ENTREP2: variants seen among roughly 807,000 people sequenced by gnomAD.
ENTREP2 encodes the protein protein ENTREP2.
At chr15:29,170,254 G>C in the ENTREP2 span, among the ~76,000 whole-genome samples, 1 of 143,872 alleles carries the variant, frequency 7.0e-6, no homozygotes, top group Admixed American at 7.2e-5. Flanking sequence ...CTTGCAGTGA[G>C]CTGAGATCGT....
the ENTREP2 span, among the ~76,000 whole-genome samples, chr15:29,521,547 T>C: frequency 1.3e-5 from 2 of 152,172 alleles, no homozygotes; most frequent in Non-Finnish European, 2.9e-5. Context: ...TAGAGACATA[T>C]CTGTCTTGCA....
At chr15:29,618,162 G>A in the ENTREP2 span, among the ~76,000 whole-genome samples, 7 of 152,120 alleles carry the variant, frequency 4.6e-5, no homozygotes, top group South Asian at 2.1e-4. Flanking sequence ...GGTAGCTCAC[G>A]CCTGTAATTC....
chr15:29,550,166 A>G, the ENTREP2 span, among the ~76,000 whole-genome samples: 1,688 of 152,324 alleles, frequency 0.011, 34 homozygotes, highest in African/African-American at 0.038. Context: ...AGTGACTTCC[A>G]TCTAAAAGGC....
chr15:29,626,342 A>G, the ENTREP2 span, among the ~76,000 whole-genome samples: 1 of 152,298 alleles, frequency 6.6e-6, no homozygotes, highest in East Asian at 1.9e-4. Context: ...GGTTTCCCCC[A>G]TACTGTTCTT....
the ENTREP2 span, among the ~76,000 whole-genome samples, chr15:29,297,178 A>G: frequency 6.6e-6 from 1 of 152,226 alleles, no homozygotes; most frequent in South Asian, 2.1e-4. Context: ...TATCACATTT[A>G]CAATGTCCAG....
chr15:29,282,665 G>A, the ENTREP2 span, among the ~76,000 whole-genome samples: 1 of 152,142 alleles, frequency 6.6e-6, no homozygotes, highest in Non-Finnish European at 1.5e-5. Context: ...GCCTGTCGCT[G>A]ATCCCTGACT....
chr15:29,559,399 C>T, the ENTREP2 span, among the ~76,000 whole-genome samples: 1 of 152,154 alleles, frequency 6.6e-6, no homozygotes, highest in Admixed American at 6.5e-5. Context: ...CTCTCCCCTC[C>T]TGTGTCCCCA....
the ENTREP2 span, chr15:29,268,619 C>A: frequency 1.9e-6 from 1 of 535,768 alleles, no homozygotes; most frequent in Non-Finnish European, 3.1e-6. Flanking sequence ...AAATCTGGAG[C>A]AAAATAACAC....
the ENTREP2 span, among the ~76,000 whole-genome samples, chr15:29,439,465 T>A: frequency 6.6e-6 from 1 of 152,134 alleles, no homozygotes; most frequent in Non-Finnish European, 1.5e-5. Context: ...GAGTCCATAT[T>A]AATGTCACAA....
At chr15:29,467,590 T>C in the ENTREP2 span, among the ~76,000 whole-genome samples, 2 of 152,186 alleles carry the variant, frequency 1.3e-5, no homozygotes, top group Admixed American at 1.3e-4. Context: ...GTCCTAGTTA[T>C]AGGCCCTTCC....
chr15:29,284,428 A>G, the ENTREP2 span, among the ~76,000 whole-genome samples: 1 of 151,912 alleles, frequency 6.6e-6, no homozygotes, highest in African/African-American at 2.4e-5. Context: ...GTGGTGGTGC[A>G]GGCCTGTAAT....
At chr15:29,306,752 T>C in the ENTREP2 span, among the ~76,000 whole-genome samples, 1 of 134,372 alleles carries the variant, frequency 7.4e-6, no homozygotes, top group Non-Finnish European at 1.6e-5. Flanking sequence ...TGCAGTGGTG[T>C]GATCACCCAG....
At chr15:29,234,836 T>A in the ENTREP2 span, 1 of 1,412,996 alleles carries the variant, frequency 7.1e-7, no homozygotes, top group Non-Finnish European at 1.0e-6. Context: ...AGGTAAGAAC[T>A]TTGCATTAGA....
At chr15:29,162,242 A>G in the ENTREP2 span, among the ~76,000 whole-genome samples, 1 of 152,188 alleles carries the variant, frequency 6.6e-6, no homozygotes, top group African/African-American at 2.4e-5. Context: ...AGCGAGGGTA[A>G]AACTCAACAG....
At chr15:29,607,863 T>C in the ENTREP2 span, among the ~76,000 whole-genome samples, 6 of 150,846 alleles carry the variant, frequency 4.0e-5, no homozygotes, top group Admixed American at 3.3e-4. Context: ...TATAGATAGA[T>C]AGACAGAGAA....
the ENTREP2 span, among the ~76,000 whole-genome samples, chr15:29,628,917 T>C: frequency 1.4e-4 from 22 of 152,142 alleles, no homozygotes; most frequent in Admixed American, 1.3e-3. Flanking sequence ...ACCCGGCTAA[T>C]TTTTGTAATT....
the ENTREP2 span, among the ~76,000 whole-genome samples, chr15:29,515,723 C>T: frequency 6.6e-6 from 1 of 152,156 alleles, no homozygotes; most frequent in Non-Finnish European, 1.5e-5. Flanking sequence ...AATGTGTGGT[C>T]ATTTGTAACA....
the ENTREP2 span, among the ~76,000 whole-genome samples, chr15:29,519,292 G>A: frequency 3.3e-5 from 5 of 151,762 alleles, no homozygotes; most frequent in African/African-American, 1.2e-4. Context: ...GGTTTGAACT[G>A]GGCGAGTCCA....
At chr15:29,271,443 A>G in the ENTREP2 span, among the ~76,000 whole-genome samples, 1 of 152,352 alleles carries the variant, frequency 6.6e-6, no homozygotes, top group South Asian at 2.1e-4. Flanking sequence ...TGTTTTAAGA[A>G]AAAACAACAA....
Sources: allele counts gnomAD v4.1 joint callset (sites outside exome capture counted in the v4.1 genomes callset), GRCh38; gene constraint gnomAD v4.1.1; transcripts MANE v1.5; gene names NCBI Gene and HGNC (gene_info 2026-07-23, HGNC 2026-07-21).